The following FHIT variants were observed in gnomAD, a reference collection of about 807,000 sequenced individuals.
The protein encoded by FHIT is bis(5'-adenosyl)-triphosphatase.
In FHIT, 19 loss-of-function variants were observed where a neutral mutation model predicts 17.9. The ratio of observed to expected loss-of-function variants is 1.06; its 90% CI spans 0.74 to 1.56. The LOEUF is 1.56. Ranked by LOEUF, FHIT falls within the 40% of genes most tolerant of loss-of-function variation. The pLI, the probability that FHIT is intolerant of heterozygous loss-of-function variation, is 0.00. For synonymous variants in FHIT, 81 were observed against 69.7 expected, an observed-to-expected ratio of 1.16 and a Z score of -0.81; for missense variants, 248 against 189.2, an observed-to-expected ratio of 1.31 and a Z score of -1.82.
chr3:60,933,176 T>G (rs952340575), intron 3 of FHIT, among the ~76,000 whole-genome samples: 31 of 152,316 alleles, frequency 2.0e-4, no homozygotes, highest in African/African-American at 7.5e-4. Context: ...GATACAAAGT[T>G]GTGTGTAGAA....
rs374474781 is a variant in FHIT, at chr3:60,521,474, G to C, written c.103+15386C>G. ...GTGTTAGCCAGGATGGTCTCGATCT[G>C]CTGACTTCGTGATCCGCCCACCTCG... On this transcript the variant is annotated intron_variant, in intron 5 of 9. Transcript: ENST00000492590. Among the ~76,000 whole-genome samples the C allele has an allele frequency of 6.3e-3, 954 of 152,118 alleles. 4 individuals carry two copies. Among genetic ancestry groups the C allele is most frequent in the Non-Finnish European group, 9.7e-3 (657 of 68,000 alleles).
At chr3:60,710,425 A>C (rs2041492892) in intron 4 of FHIT, among the ~76,000 whole-genome samples, 1 of 152,212 alleles carries the variant, frequency 6.6e-6, no homozygotes, top group Non-Finnish European at 1.5e-5. Context: ...TGGGCGCAGG[A>C]GAGTGGGTGC....
intron 1 of FHIT, among the ~76,000 whole-genome samples, chr3:61,210,350 T>G (rs973147219): frequency 6.6e-5 from 10 of 152,168 alleles, no homozygotes; most frequent in East Asian, 1.9e-4. Context: ...CAGGGACATT[T>G]AAGTCTGCAG....
intron 5 of FHIT, among the ~76,000 whole-genome samples, chr3:60,285,170 T>G (rs373145356): frequency 6.6e-6 from 1 of 152,160 alleles, no homozygotes; most frequent in Non-Finnish European, 1.5e-5. Flanking sequence ...ACATATTAAA[T>G]GTTGGTATAT....
At chr3:59,948,262 T>C (rs76808277) in intron 7 of FHIT, among the ~76,000 whole-genome samples, 13,302 of 150,936 alleles carry the variant, frequency 0.088, 837 homozygotes, top group South Asian at 0.17. Flanking sequence ...CCCAGCACTT[T>C]GGGAGGCCAA....
intron 3 of FHIT, among the ~76,000 whole-genome samples, chr3:60,965,040 C>T (rs1709652440): frequency 6.6e-6 from 1 of 152,172 alleles, no homozygotes; most frequent in South Asian, 2.1e-4. Flanking sequence ...CAACTTGGTT[C>T]CATTCTCCTC....
At chr3:60,501,273 C>T (rs777080492) in intron 5 of FHIT, among the ~76,000 whole-genome samples, 9 of 151,750 alleles carry the variant, frequency 5.9e-5, no homozygotes, top group Non-Finnish European at 1.0e-4. Flanking sequence ...TTTGATAACT[C>T]GTTGTAGGTA....
intron 5 of FHIT, among the ~76,000 whole-genome samples, chr3:60,258,659 C>G (rs1319167071): frequency 6.6e-6 from 1 of 152,066 alleles, no homozygotes; most frequent in Non-Finnish European, 1.5e-5. Flanking sequence ...AAGGAAAAAG[C>G]ATATAAATCT....
chr3:60,812,788 T>C (rs1553736513), intron 4 of FHIT, among the ~76,000 whole-genome samples: 2 of 152,128 alleles, frequency 1.3e-5, no homozygotes, highest in Admixed American at 6.6e-5. Context: ...AAAACGATGC[T>C]GTGCAGTGGA....
intron 5 of FHIT, among the ~76,000 whole-genome samples, chr3:60,445,069 T>C (rs910159526): frequency 3.9e-5 from 6 of 152,124 alleles, no homozygotes; most frequent in African/African-American, 1.4e-4. Flanking sequence ...ACCTGAGCCC[T>C]ACCTGGTAAC....
intron 5 of FHIT, among the ~76,000 whole-genome samples, chr3:60,273,946 A>G (rs111330987): frequency 9.2e-4 from 140 of 152,312 alleles, no homozygotes; most frequent in African/African-American, 3.1e-3. Flanking sequence ...ATGCACTTAT[A>G]TAACTTTTAT....
chr3:60,474,618 A>G (rs936061446), intron 5 of FHIT, among the ~76,000 whole-genome samples: 3 of 151,560 alleles, frequency 2.0e-5, no homozygotes, highest in African/African-American at 7.3e-5. Context: ...TATTTTCAAC[A>G]CAATACAATT....
At chr3:60,331,475 ATC>A (rs1305714758) in intron 5 of FHIT, among the ~76,000 whole-genome samples, 1 of 152,176 alleles carries the variant, frequency 6.6e-6, no homozygotes, top group Non-Finnish European at 1.5e-5. Context: ...ATTTTAGGCA[ATC>A]TCTAACTCTG....
At chr3:60,457,823 C>T (rs553603001) in intron 5 of FHIT, among the ~76,000 whole-genome samples, 333 of 151,866 alleles carry the variant, frequency 2.2e-3, no homozygotes, top group African/African-American at 7.4e-3. Context: ...CCAAAAGACA[C>T]GTGAAAAAAC....
At chr3:60,360,882 C>T (rs762661204) in intron 5 of FHIT, among the ~76,000 whole-genome samples, 6 of 152,174 alleles carry the variant, frequency 3.9e-5, no homozygotes, top group South Asian at 2.1e-4. Context: ...CCCTCCAACA[C>T]GATTCATTTT....
intron 4 of FHIT, among the ~76,000 whole-genome samples, chr3:60,803,192 G>A (rs1344049398): frequency 6.6e-6 from 1 of 152,140 alleles, no homozygotes; most frequent in Non-Finnish European, 1.5e-5. Flanking sequence ...CGGTGGGGTT[G>A]CTCTTTGTTA....
At chr3:60,739,183 A>T (rs2042195177) in intron 4 of FHIT, among the ~76,000 whole-genome samples, 1 of 152,174 alleles carries the variant, frequency 6.6e-6, no homozygotes, top group African/African-American at 2.4e-5. Context: ...CCCTGCATGC[A>T]TCCTTCAAGC....
chr3:60,594,929 T>A (rs2107702608), intron 4 of FHIT, among the ~76,000 whole-genome samples: 1 of 152,212 alleles, frequency 6.6e-6, no homozygotes, highest in Non-Finnish European at 1.5e-5. Context: ...GGCCAGTCCT[T>A]CCAACTGTAT....
chr3:59,834,290 C>A (rs942056892), intron 8 of FHIT, among the ~76,000 whole-genome samples: 1 of 151,982 alleles, frequency 6.6e-6, no homozygotes, highest in Admixed American at 6.6e-5. Context: ...GAGAGTTAAA[C>A]GAGGTAGTGG....
Sources: allele counts gnomAD v4.1 joint callset (sites outside exome capture counted in the v4.1 genomes callset), GRCh38; gene constraint gnomAD v4.1.1; transcripts MANE v1.5; gene names NCBI Gene and HGNC (gene_info 2026-07-23, HGNC 2026-07-21).